The following HCRTR2 variants were observed in gnomAD, a reference collection of about 807,000 sequenced individuals.
HCRTR2 encodes orexin receptor type 2.
A neutral mutation model predicts 49.0 loss-of-function variants in HCRTR2; 22 were observed. The observed-to-expected ratio is 0.45, with a 90% CI of 0.32 to 0.64. The LOEUF (loss-of-function observed/expected upper bound fraction) is 0.64, where lower values mean the gene tolerates loss of function less well. Among genes scored for constraint, HCRTR2 ranks in the 30% least tolerant of loss-of-function variants. The pLI, the probability that HCRTR2 is intolerant of heterozygous loss-of-function variation, is 0.04. For missense variants in HCRTR2, 491 were observed against 559.4 expected, an observed-to-expected ratio of 0.88 and a Z score of 1.23; for synonymous variants, 236 against 205.3, an observed-to-expected ratio of 1.15 and a Z score of -1.28.
chr6:55,131,430 A>C (rs192924480), intron 1 of HCRTR2, among the ~76,000 whole-genome samples: 1 of 151,930 alleles, frequency 6.6e-6, no homozygotes, highest in African/African-American at 2.4e-5. Flanking sequence ...TTCTTCAAAG[A>C]TGTTTGTAAC....
Position 55,241,861 on chromosome 6 carries a change from A to ATTTT in HCRTR2, c.224-6758_224-6755dup, listed in dbSNP as rs917427627. 3.5e-3 allele frequency among the ~76,000 whole-genome samples: 323 copies of ATTTT among 92,438 alleles called. 4 individuals are homozygous for ATTTT. Among genetic ancestry groups the ATTTT allele is most frequent in the African/African-American group, 0.01 (232 of 22,944 alleles). 60.6% of individuals were successfully genotyped at this position (92,438 alleles called of 152,430 possible). A position where few individuals can be genotyped will look rare whatever the true frequency, so the allele number is the denominator to read the frequency against. ...GTAGTCTGTCTTACTATGGCAACTA[A>ATTTT]TTTTTTTTTTTTTTTTTTTTTTTGT... is the stretch of plus-strand genomic sequence containing the variant. On this transcript the variant is annotated intron_variant, in intron 1 of 6. Transcript: ENST00000370862.
intron 1 of HCRTR2, among the ~76,000 whole-genome samples, chr6:55,129,111 A>G (rs1251406695): frequency 1.3e-5 from 2 of 152,126 alleles, no homozygotes; most frequent in African/African-American, 4.8e-5. Context: ...ACAGTCTTTG[A>G]CATGATGCTT....
chr6:55,110,198 A>G (rs1561973982), intron 1 of HCRTR2, among the ~76,000 whole-genome samples: 2 of 152,140 alleles, frequency 1.3e-5, no homozygotes, highest in African/African-American at 2.4e-5. Context: ...AGCCAGCACT[A>G]CAAGAGCTAC....
chr6:55,250,596 C>G (rs371765539), intron 2 of HCRTR2, among the ~76,000 whole-genome samples: 1 of 152,122 alleles, frequency 6.6e-6, no homozygotes, highest in South Asian at 2.1e-4. Context: ...TGCTAATGCA[C>G]AGCGATAGCT....
At chr6:55,171,030 C>T (rs960999171), upstream of HCRTR2, among the ~76,000 whole-genome samples, 5 of 151,832 alleles carry the variant, frequency 3.3e-5, no homozygotes, top group Admixed American at 6.6e-5. Context: ...TGAATAGTGC[C>T]GCAATAAACA....
At chr6:55,180,684 ACTTCACATAAT>A (rs1241665207) in intron 1 of HCRTR2, among the ~76,000 whole-genome samples, 1 of 152,236 alleles carries the variant, frequency 6.6e-6, no homozygotes, top group Non-Finnish European at 1.5e-5. Context: ...AACACTTAAC[ACTTCACATAAT>A]CTACAGATAT....
chr6:55,130,825 A>AAC (rs1764345925), intron 1 of HCRTR2, among the ~76,000 whole-genome samples: 1 of 151,888 alleles, frequency 6.6e-6, no homozygotes, highest in African/African-American at 2.4e-5. Context: ...ATGACTTGTA[A>AAC]ACACTACTGT....
chr6:55,251,257 A>T (rs935963350), intron 2 of HCRTR2, among the ~76,000 whole-genome samples: 1 of 152,082 alleles, frequency 6.6e-6, no homozygotes, highest in Non-Finnish European at 1.5e-5. Context: ...GCTATAATTT[A>T]TATGTTCTTT....
chr6:55,113,635 TA>T (rs200749759), intron 1 of HCRTR2, among the ~76,000 whole-genome samples: 2,501 of 147,930 alleles, frequency 0.017, 38 homozygotes, highest in African/African-American at 0.038. Context: ...AATTAAAAAA[TA>T]AAAAAAAAAT....
At chr6:55,133,718 C>T (rs1402032709) in intron 1 of HCRTR2, among the ~76,000 whole-genome samples, 1 of 151,426 alleles carries the variant, frequency 6.6e-6, no homozygotes, top group East Asian at 1.9e-4. Flanking sequence ...TCCATCTAGG[C>T]ATGTTTGTCT....
intron 1 of HCRTR2, among the ~76,000 whole-genome samples, chr6:55,203,328 A>G (rs1765543674): frequency 6.6e-6 from 1 of 152,184 alleles, no homozygotes; most frequent in Non-Finnish European, 1.5e-5. Flanking sequence ...TTATTAATCA[A>G]TGACATTTAA....
At chr6:55,157,254 CAA>C (rs1309198702) in intron 1 of HCRTR2, among the ~76,000 whole-genome samples, 1 of 152,056 alleles carries the variant, frequency 6.6e-6, no homozygotes, top group Non-Finnish European at 1.5e-5. Context: ...ATGAAAATAA[CAA>C]AACAATTCCA....
intron 1 of HCRTR2, among the ~76,000 whole-genome samples, chr6:55,134,728 G>T (rs1181421482): frequency 1.3e-5 from 2 of 151,888 alleles, no homozygotes; most frequent in Non-Finnish European, 2.9e-5. Flanking sequence ...ACATCATACA[G>T]TATTTGTCTT....
intron 1 of HCRTR2, among the ~76,000 whole-genome samples, chr6:55,192,413 G>GCA (rs1554171107): frequency 0.053 from 6,861 of 128,456 alleles, 178 homozygotes; most frequent in African/African-American, 0.072. Flanking sequence ...GCGCGCGCGC[G>GCA]CACACACACA....
chr6:55,208,547 T>C (rs1765644965), intron 1 of HCRTR2, among the ~76,000 whole-genome samples: 1 of 152,052 alleles, frequency 6.6e-6, no homozygotes, highest in Non-Finnish European at 1.5e-5. Context: ...GCCTCACTGA[T>C]GATTAAATTT....
At chr6:55,182,942 A>T (rs976516536) in intron 1 of HCRTR2, among the ~76,000 whole-genome samples, 3 of 152,230 alleles carry the variant, frequency 2.0e-5, no homozygotes, top group African/African-American at 7.2e-5. Flanking sequence ...ATAGACTCAG[A>T]ACAAGATAAT....
intron 1 of HCRTR2, among the ~76,000 whole-genome samples, chr6:55,213,542 A>G (rs890445928): frequency 2.0e-5 from 3 of 152,134 alleles, no homozygotes; most frequent in African/African-American, 7.2e-5. Flanking sequence ...GCCAGTTAAG[A>G]GGCTCCTGTA....
intron 1 of HCRTR2, among the ~76,000 whole-genome samples, chr6:55,126,303 G>C (rs1303077092): frequency 6.6e-6 from 1 of 151,658 alleles, no homozygotes; most frequent in Non-Finnish European, 1.5e-5. Context: ...TGGAGTCTTT[G>C]AGTGAGCCTG....
rs1765006976 is a variant in HCRTR2, at chr6:55,174,710, G to A, written c.123G>A (p.Arg41=). 2 of 1,613,952 alleles carry A rather than the reference G, an allele frequency of 1.2e-6. No homozygotes were observed. Among genetic ancestry groups the A allele is most frequent in the South Asian group, 1.1e-5 (1 of 91,080 alleles). Residue 41 remains arginine (R), a synonymous_variant, in exon 1 of 7, where the codon CGG becomes CGA. Transcript: ENST00000370862. The part of the protein sequence containing the change: ...PTDYDDEEFL[R]YLWREYLHPK... ...ACTATGACGACGAGGAATTCCTGCG[G>A]TACCTGTGGAGGGAATACCTGCACC...
Sources: allele counts gnomAD v4.1 joint callset (sites outside exome capture counted in the v4.1 genomes callset), GRCh38; gene constraint gnomAD v4.1.1; transcripts MANE v1.5; gene names NCBI Gene and HGNC (gene_info 2026-07-23, HGNC 2026-07-21).